The following OSBPL6 variants were observed in gnomAD, a reference collection of about 807,000 sequenced individuals.
The protein encoded by OSBPL6 is oxysterol-binding protein-related protein 6.
In OSBPL6, 49 loss-of-function variants were observed where a neutral mutation model predicts 125.8. That is an observed-to-expected ratio of 0.39 (90% confidence interval 0.31 to 0.49). The LOEUF is 0.49. Among genes scored for constraint, OSBPL6 ranks in the 20% least tolerant of loss-of-function variants. The pLI is 0.88. For synonymous variants in OSBPL6, 394 were observed against 391.8 expected (o/e 1.01, Z -0.07); for missense variants, 986 against 1,135.4 (o/e 0.87, Z 1.89).
chr2:178,363,654 A>G (rs1202501351), intron 13 of OSBPL6, among the ~76,000 whole-genome samples: 1 of 152,214 alleles, frequency 6.6e-6, no homozygotes, highest in Non-Finnish European at 1.5e-5. Flanking sequence ...GAAGGGTCTG[A>G]TGCTAACATG....
At chr2:178,351,515 T>C (rs960067069) in intron 12 of OSBPL6, among the ~76,000 whole-genome samples, 15 of 152,174 alleles carry the variant, frequency 9.9e-5, no homozygotes, top group African/African-American at 3.4e-4. Context: ...AGGAATAAAC[T>C]TAAGCAAGGA....
At chr2:178,297,042 G>C (rs1275344538) in intron 2 of OSBPL6, among the ~76,000 whole-genome samples, 6 of 152,164 alleles carry the variant, frequency 3.9e-5, no homozygotes, top group Non-Finnish European at 8.8e-5. Context: ...CCATAATTCT[G>C]TGTGGCCAGG....
Position 178,332,916 on chromosome 2 carries a change from C to T in OSBPL6, c.532C>T (p.His178Tyr). ...WFDAWVSKLR[H>Y]HRLYRQNEIV... ...TGATGCATGGGTCTCCAAACTGCGA[C>T]ATCATCGGTTGTATCGTCAGAATGA... The change falls in exon 8 of 25, where the codon CAT becomes TAT. Residue 178 changes from histidine to tyrosine, a missense_variant. Physicochemically the swap from His to Tyr is moderately conservative, Grantham distance 83 (BLOSUM62 2). Coordinates refer to ENST00000190611, the MANE Select transcript of OSBPL6 (RefSeq NM_032523.4). 6.2e-7 allele frequency: 1 copy of T among 1,614,014 alleles called. No homozygotes were observed. The highest frequency in any genetic ancestry group is 8.5e-7 in the Non-Finnish European group (1 of 1,179,886).
chr2:178,309,952 A>C (rs1202956352), intron 3 of OSBPL6, among the ~76,000 whole-genome samples: 2 of 152,244 alleles, frequency 1.3e-5, no homozygotes, highest in African/African-American at 2.4e-5. Context: ...GAGAAGTGCT[A>C]AACAAAATAT....
At chr2:178,262,504 T>G (rs896088877) in intron 1 of OSBPL6, among the ~76,000 whole-genome samples, 2 of 152,226 alleles carry the variant, frequency 1.3e-5, no homozygotes. Flanking sequence ...AAGGATTTTA[T>G]GATCAAAATA....
chr2:178,385,107 G>T lies in OSBPL6; in HGVS notation c.2014-351G>T, dbSNP rs1575037713. Among the ~76,000 whole-genome samples, 3 of 152,214 alleles carry T rather than the reference G, an allele frequency of 2.0e-5. No homozygotes were observed. In the South Asian group the frequency reaches 6.2e-4, roughly 32 times the overall value. On this transcript the variant is annotated intron_variant, in intron 18 of 24. Coordinates refer to ENST00000190611, the MANE Select transcript of OSBPL6 (RefSeq NM_032523.4). ...TTGGGGGGTGGCGAGCAAGAGGAGG[G>T]ATAGCATTAGGAGAAATACCTAATG...
At chr2:178,295,798 TAA>T (rs956725520) in intron 2 of OSBPL6, among the ~76,000 whole-genome samples, 16 of 151,948 alleles carry the variant, frequency 1.1e-4, no homozygotes, top group Admixed American at 1.0e-3. Context: ...TTAATTATAA[TAA>T]AAAATTAATG....
chr2:178,226,051 C>A (rs966724831), intron 1 of OSBPL6, among the ~76,000 whole-genome samples: 3 of 152,166 alleles, frequency 2.0e-5, no homozygotes, highest in African/African-American at 4.8e-5. Context: ...ACAGAAGGAA[C>A]CAATACCTTT....
At chr2:178,229,298 T>C (rs2090712006) in intron 1 of OSBPL6, among the ~76,000 whole-genome samples, 1 of 152,164 alleles carries the variant, frequency 6.6e-6, no homozygotes, top group Non-Finnish European at 1.5e-5. Flanking sequence ...ATTAGAGCCT[T>C]GTCTCTGAAT....
intron 2 of OSBPL6, among the ~76,000 whole-genome samples, chr2:178,305,038 G>A (rs1393417994): frequency 1.3e-5 from 2 of 152,118 alleles, no homozygotes; most frequent in Non-Finnish European, 2.9e-5. Context: ...CCTAAAAATT[G>A]ATTTCTGTTT....
At chr2:178,314,177 T>C (rs1687540052) in intron 3 of OSBPL6, among the ~76,000 whole-genome samples, 1 of 152,208 alleles carries the variant, frequency 6.6e-6, no homozygotes, top group Non-Finnish European at 1.5e-5. Flanking sequence ...AAATAGGAAA[T>C]GGATTTCCTT....
chr2:178,331,683 G>T, intron 6 of OSBPL6, 78 bp downstream of exon 6: 1 of 1,459,918 alleles, frequency 6.8e-7, no homozygotes, highest in Non-Finnish European at 9.6e-7. Context: ...AATTGTACAA[G>T]CCTTGTGCCA....
At chr2:178,263,813 G>A (rs1455875672) in intron 1 of OSBPL6, among the ~76,000 whole-genome samples, 1 of 144,108 alleles carries the variant, frequency 6.9e-6, no homozygotes, top group African/African-American at 2.5e-5. Flanking sequence ...ACACGTGTGT[G>A]TGTGTGTGTG....
At chr2:178,314,286 C>A (rs955695099) in intron 3 of OSBPL6, among the ~76,000 whole-genome samples, 4 of 152,212 alleles carry the variant, frequency 2.6e-5, no homozygotes, top group African/African-American at 9.6e-5. Flanking sequence ...CCTCCAATTA[C>A]AATCACCTCC....
intron 1 of OSBPL6, 128 bp from the exon 2 acceptor site, chr2:178,284,799 C>T (rs1187491349): frequency 2.7e-6 from 1 of 373,380 alleles, no homozygotes; most frequent in East Asian, 3.8e-5. Context: ...GAGGCATGTA[C>T]CCATATGAAC....
In OSBPL6 at chr2:178,383,043, A is replaced by T; in HGVS notation, c.1641A>T (p.Thr547=). 1.2e-6 allele frequency: 2 copies of T among 1,614,200 alleles called. No individual in the cohort carries two copies. The highest frequency in any genetic ancestry group is 1.7e-6 in the Non-Finnish European group (2 of 1,180,014). Residue 547 remains threonine, a synonymous_variant, in exon 17 of 25, where the codon ACA becomes ACT. Coordinates refer to ENST00000190611, the MANE Select transcript of OSBPL6 (RefSeq NM_032523.4). The stretch of plus-strand genomic sequence containing the variant: ...TTCCAGTCCTGAATGGGGAGCTTAC[A>T]GGAGGGGCCTTCCGAAATGGGCGTC... ...ISRQILNGEL[T]GGAFRNGRRA...
chr2:178,382,907 T>C, intron 16 of OSBPL6, 117 bp from the exon 17 acceptor site: 1 of 1,470,336 alleles, frequency 6.8e-7, no homozygotes. Context: ...TTTGAAAAGA[T>C]ATAATGAAGA....
At chr2:178,218,269 C>A (rs548805568) in intron 1 of OSBPL6, among the ~76,000 whole-genome samples, 7 of 152,116 alleles carry the variant, frequency 4.6e-5, no homozygotes, top group African/African-American at 9.7e-5. Context: ...CGTGGTCCAT[C>A]TGTAGACAAG....
intron 12 of OSBPL6, among the ~76,000 whole-genome samples, chr2:178,356,700 G>A (rs995546442): frequency 1.3e-5 from 2 of 152,162 alleles, no homozygotes; most frequent in African/African-American, 4.8e-5. Context: ...TCCCCATCAA[G>A]CTACCAATGA....
Sources: gnomAD v4.1 joint callset for allele counts (sites outside exome capture counted in the v4.1 genomes callset) on GRCh38, gnomAD v4.1.1 for gene constraint, MANE v1.5 for transcripts, NCBI Gene and HGNC (gene_info 2026-07-23, HGNC 2026-07-21) for gene names.